The following CNTN4 variants were observed in gnomAD, a reference collection of about 807,000 sequenced individuals.
The protein encoded by CNTN4 is contactin-4.
A neutral mutation model predicts 122.5 loss-of-function variants in CNTN4; 77 were observed. That is an observed-to-expected ratio of 0.63 (90% CI 0.52 to 0.76). The LOEUF (loss-of-function observed/expected upper bound fraction) is 0.76. Among genes scored for constraint, CNTN4 ranks in the 30% least tolerant of loss-of-function variants. CNTN4 has a pLI of 0.00. For missense variants in CNTN4, 1,256 were observed against 1,259.1 expected, an observed-to-expected ratio of 1.00 and a Z score of 0.04; for synonymous variants, 512 against 447.0, an observed-to-expected ratio of 1.15 and a Z score of -1.83.
At chr3:2,457,018 G>A (rs1230315497) in intron 3 of CNTN4, among the ~76,000 whole-genome samples, 6 of 152,076 alleles carry the variant, frequency 3.9e-5, no homozygotes, top group Non-Finnish European at 8.8e-5. Flanking sequence ...GATTCACAGA[G>A]AGGTTAAAGT....
chr3:2,890,330 G>A (rs1577170940), intron 10 of CNTN4, among the ~76,000 whole-genome samples: 1 of 152,032 alleles, frequency 6.6e-6, no homozygotes, highest in African/African-American at 2.4e-5. Flanking sequence ...CAGCTGCATA[G>A]GTCTCCAATT....
At chr3:2,887,004 C>G in intron 9 of CNTN4, 36 bp from the exon 10 acceptor site, 1 of 1,589,064 alleles carries the variant, frequency 6.3e-7, no homozygotes, top group Non-Finnish European at 8.6e-7. Flanking sequence ...CCAGTTTTCT[C>G]TAGTTTGATT....
chr3:2,234,071 T>C lies in CNTN4; in HGVS notation c.-144-105107T>C, dbSNP rs2039588423. Among the ~76,000 whole-genome samples, 3 of 152,240 alleles carry C rather than the reference T, an allele frequency of 2.0e-5. No homozygotes were observed. In the South Asian group the frequency reaches 6.2e-4, roughly 32 times the overall value. On this transcript the variant is annotated intron_variant, in intron 2 of 24. Transcript: ENST00000418658. Reference sequence around the variant, plus strand: ...TCAGCTGATAATTTGTCTGGTAGATTCTGAAATGGCAACCTGCCATTTGAC... The same window carrying C: ...TCAGCTGATAATTTGTCTGGTAGATCCTGAAATGGCAACCTGCCATTTGAC...
At chr3:2,896,020 C>A (rs1011760422) in intron 10 of CNTN4, among the ~76,000 whole-genome samples, 3 of 152,064 alleles carry the variant, frequency 2.0e-5, no homozygotes, top group Non-Finnish European at 1.5e-5. Context: ...GCGACAGAGC[C>A]AGACTCTGTC....
chr3:2,731,629 T>C (rs548147394), intron 4 of CNTN4, among the ~76,000 whole-genome samples: 1 of 152,294 alleles, frequency 6.6e-6, no homozygotes, highest in Admixed American at 6.5e-5. Context: ...GGGTGGAAAA[T>C]CATTGCCTTC....
At chr3:2,496,900 C>T (rs114348954) in intron 3 of CNTN4, among the ~76,000 whole-genome samples, 1 of 152,040 alleles carries the variant, frequency 6.6e-6, no homozygotes, top group African/African-American at 2.4e-5. Flanking sequence ...TCATAGAAGT[C>T]CTGGAGTCTG....
intron 6 of CNTN4, among the ~76,000 whole-genome samples, chr3:2,755,628 G>T (rs1576671723): frequency 6.6e-6 from 1 of 152,144 alleles, no homozygotes; most frequent in Non-Finnish European, 1.5e-5. Context: ...GTTAATTGTA[G>T]CTATTATTAA....
At chr3:2,611,790 A>G (rs2081501846) in intron 4 of CNTN4, among the ~76,000 whole-genome samples, 1 of 152,122 alleles carries the variant, frequency 6.6e-6, no homozygotes, top group South Asian at 2.1e-4. Flanking sequence ...AGACTAGCCA[A>G]GATGTTTTGT....
intron 13 of CNTN4, 45 bp from the exon 14 acceptor site, chr3:2,988,300 A>G: frequency 6.3e-7 from 1 of 1,588,610 alleles, no homozygotes; most frequent in Non-Finnish European, 8.6e-7. Flanking sequence ...AATAGGTCAT[A>G]TGAGATAAAT....
intron 6 of CNTN4, among the ~76,000 whole-genome samples, chr3:2,814,545 T>A (rs2092685643): frequency 6.6e-6 from 1 of 152,234 alleles, no homozygotes; most frequent in African/African-American, 2.4e-5. Context: ...GAAACCAAAG[T>A]ACTTATACCA....
intron 13 of CNTN4, among the ~76,000 whole-genome samples, chr3:2,940,391 A>G (rs2094603001): frequency 6.6e-6 from 1 of 152,228 alleles, no homozygotes. Flanking sequence ...TGAAATAAAT[A>G]CTTTAGATAA....
chr3:2,202,208 T>C (rs535853215), intron 2 of CNTN4, among the ~76,000 whole-genome samples: 4 of 152,316 alleles, frequency 2.6e-5, no homozygotes, highest in East Asian at 3.9e-4. Flanking sequence ...AGGATACATA[T>C]AGATCCAGAA....
chr3:2,506,056 T>C (rs1385307578), intron 3 of CNTN4, among the ~76,000 whole-genome samples: 2 of 151,984 alleles, frequency 1.3e-5, no homozygotes, highest in African/African-American at 2.4e-5. Context: ...TCTTAACAAA[T>C]ATAGAACATT....
At chr3:2,260,682 TA>T (rs2040798822) in intron 2 of CNTN4, among the ~76,000 whole-genome samples, 1 of 151,802 alleles carries the variant, frequency 6.6e-6, no homozygotes, top group Non-Finnish European at 1.5e-5. Context: ...AACTTCCCAT[TA>T]CAGATTTAAG....
intron 4 of CNTN4, among the ~76,000 whole-genome samples, chr3:2,727,160 A>ATG (rs1261155655): frequency 6.6e-6 from 1 of 152,202 alleles, no homozygotes; most frequent in Admixed American, 6.5e-5. Flanking sequence ...ATCAGAAGCC[A>ATG]TTTGGGTCAG....
rs555263530 is a variant in CNTN4, at chr3:2,455,614, T to C, written c.-88-115802T>C. 3.2e-4 allele frequency among the ~76,000 whole-genome samples: 48 copies of C among 152,198 alleles called. No individual in the cohort carries two copies. The South Asian group carries it at 1.0e-2, about 32-fold the overall frequency. ...ATTTTTACTGTTAAGGTTTTACTGT[T>C]TTGTCAGTGATGGAGGAAGGGCGCC... On this transcript the variant is annotated intron_variant, in intron 3 of 24. Transcript: ENST00000418658.
intron 15 of CNTN4, among the ~76,000 whole-genome samples, chr3:3,028,736 G>A (rs1698933810): frequency 6.6e-6 from 1 of 152,122 alleles, no homozygotes; most frequent in Non-Finnish European, 1.5e-5. Flanking sequence ...TAATAATGAT[G>A]ATGATAATAG....
At chr3:2,676,841 A>G (rs114009549) in intron 4 of CNTN4, among the ~76,000 whole-genome samples, 2 of 152,324 alleles carry the variant, frequency 1.3e-5, no homozygotes, top group African/African-American at 2.4e-5. Context: ...ATTATTAGAG[A>G]GCATGTATCA....
chr3:2,585,016 G>T (rs2080123072), intron 4 of CNTN4, among the ~76,000 whole-genome samples: 1 of 151,992 alleles, frequency 6.6e-6, no homozygotes, highest in Non-Finnish European at 1.5e-5. Context: ...GTTGATATTT[G>T]AACTAGATAA....
Sources: gnomAD v4.1 joint callset for allele counts (sites outside exome capture counted in the v4.1 genomes callset) on GRCh38, gnomAD v4.1.1 for gene constraint, MANE v1.5 for transcripts, NCBI Gene and HGNC (gene_info 2026-07-23, HGNC 2026-07-21) for gene names.